Variants in GRAMD1B observed in about 807,000 individuals in gnomAD.
GRAMD1B encodes the protein GRAM domain containing 1B.
In GRAMD1B, 37 loss-of-function variants were observed where a neutral mutation model predicts 99.7. The observed-to-expected ratio is 0.37, with a 90% CI of 0.29 to 0.49. GRAMD1B has a LOEUF of 0.49. GRAMD1B is among the 20% of genes least tolerant of loss of function. GRAMD1B has a pLI of 0.98. For missense variants in GRAMD1B, 888 were observed against 1,009.2 expected, an observed-to-expected ratio of 0.88 and a Z score of 1.63; for synonymous variants, 427 against 387.6, an observed-to-expected ratio of 1.10 and a Z score of -1.19.
At chr11:123,615,732 G>C (rs1156556451) in intron 17 of GRAMD1B, among the ~76,000 whole-genome samples, 1 of 152,236 alleles carries the variant, frequency 6.6e-6, no homozygotes, top group Non-Finnish European at 1.5e-5. Flanking sequence ...TCCAGGAAGA[G>C]GTGACAGATT....
intron 17 of GRAMD1B, among the ~76,000 whole-genome samples, chr11:123,617,787 G>T (rs574913762): frequency 6.6e-6 from 1 of 152,270 alleles, no homozygotes; most frequent in African/African-American, 2.4e-5. Flanking sequence ...CATCCTATGA[G>T]CTTGTTATAC....
intron 3 of GRAMD1B, among the ~76,000 whole-genome samples, chr11:123,580,249 G>C (rs927462266): frequency 4.6e-5 from 7 of 152,208 alleles, no homozygotes; most frequent in South Asian, 4.1e-4. Context: ...AGAACCAGTA[G>C]GGGAATTAGG....
At chr11:123,362,449 G>A (rs1946176287) in intron 1 of GRAMD1B, among the ~76,000 whole-genome samples, 1 of 152,200 alleles carries the variant, frequency 6.6e-6, no homozygotes, top group South Asian at 2.1e-4. Context: ...TCTGAGCCAA[G>A]CTTGCAACAG....
rs182553250 is a variant in GRAMD1B at position 123,567,885 on chromosome 11, C to T, written c.453-9482C>T. On this transcript the variant is annotated intron_variant, in intron 2 of 19. Coordinates refer to ENST00000635736, the MANE Select transcript of GRAMD1B (RefSeq NM_001387025.1). ...ACTGAAGTGCTACTTTTCTCTACTT[C>T]GCCAAAAACTTTCCGTGAACTTTGC... is the stretch of plus-strand genomic sequence containing the variant. 1.1e-4 allele frequency among the ~76,000 whole-genome samples: 17 copies of T among 152,302 alleles called. 3 individuals carry two copies. Among genetic ancestry groups the T allele is most frequent in the African/African-American group, 2.6e-4 (11 of 41,570 alleles).
intron 1 of GRAMD1B, among the ~76,000 whole-genome samples, chr11:123,367,214 C>A (rs1343626884): frequency 6.6e-6 from 1 of 152,050 alleles, no homozygotes; most frequent in Non-Finnish European, 1.5e-5. Context: ...AAAACAAAAA[C>A]AAAACTGGAA....
chr11:123,387,871 C>T (rs1947124541), intron 1 of GRAMD1B, among the ~76,000 whole-genome samples: 2 of 152,078 alleles, frequency 1.3e-5, no homozygotes, highest in African/African-American at 4.8e-5. Flanking sequence ...CGCCTGTAAT[C>T]CCAGCACTTT....
rs1148116 is a variant in GRAMD1B at position 123,623,145 on chromosome 11, A to C, written c.*550A>C. ...CTAGGGTTGGCCGCCCACTTGATCC[A>C]GACCGTACTGAGTGTCAGATGGAGA... is the stretch of plus-strand genomic sequence containing the variant. On this transcript the variant is annotated 3_prime_UTR_variant, in exon 20 of 20. Transcript: ENST00000635736. The C allele has an allele frequency of 4.6e-5, 7 of 151,972 alleles. No homozygotes were observed. Among genetic ancestry groups the C allele is most frequent in the South Asian group, 4.2e-4 (2 of 4,818 alleles). 9.4% of individuals were successfully genotyped at this position (151,972 alleles called of 1,614,324 possible).
intron 2 of GRAMD1B, among the ~76,000 whole-genome samples, chr11:123,513,725 T>C (rs1941398196): frequency 6.6e-6 from 1 of 151,532 alleles, no homozygotes; most frequent in South Asian, 2.1e-4. Context: ...GGTGCGATCA[T>C]GGCTCACTGC....
intron 17 of GRAMD1B, among the ~76,000 whole-genome samples, chr11:123,617,882 T>A (rs1592306058): frequency 1.3e-5 from 2 of 152,108 alleles, no homozygotes; most frequent in Non-Finnish European, 1.5e-5. Flanking sequence ...CTCCAGCCCC[T>A]GGATGATCCT....
At chr11:123,408,873 G>C (rs887451562) in intron 1 of GRAMD1B, among the ~76,000 whole-genome samples, 13 of 152,188 alleles carry the variant, frequency 8.5e-5, no homozygotes, top group African/African-American at 2.9e-4. Flanking sequence ...TTCTAAGCTA[G>C]ACCTCTGAAG....
At chr11:123,597,628 T>C (rs1951445729) in intron 7 of GRAMD1B, among the ~76,000 whole-genome samples, 1 of 152,110 alleles carries the variant, frequency 6.6e-6, no homozygotes, top group South Asian at 2.1e-4. Context: ...CAGGTGCCCA[T>C]TAAATCTCAG....
At chr11:123,540,693 C>A (rs929273485) in intron 2 of GRAMD1B, among the ~76,000 whole-genome samples, 1 of 151,902 alleles carries the variant, frequency 6.6e-6, no homozygotes, top group Non-Finnish European at 1.5e-5. Context: ...CATAATACCA[C>A]CCCATATTAG....
chr11:123,528,758 A>G (rs551683477), intron 2 of GRAMD1B, among the ~76,000 whole-genome samples: 68 of 152,224 alleles, frequency 4.5e-4, no homozygotes, highest in African/African-American at 1.6e-3. Flanking sequence ...AAAAGTGTGT[A>G]TAAATATGTT....
chr11:123,448,955 A>G (rs1260871998), intron 1 of GRAMD1B, among the ~76,000 whole-genome samples: 1 of 152,118 alleles, frequency 6.6e-6, no homozygotes, highest in East Asian at 1.9e-4. Context: ...CTCCTGCTTC[A>G]TCCACCTGCT....
intron 1 of GRAMD1B, among the ~76,000 whole-genome samples, chr11:123,446,357 G>C (rs1342586064): frequency 4.6e-5 from 7 of 152,094 alleles, no homozygotes; most frequent in African/African-American, 1.7e-4. Flanking sequence ...GTAGAGATGG[G>C]GTTTCACCAT....
At chr11:123,471,359 A>G (rs1951007823) in intron 1 of GRAMD1B, among the ~76,000 whole-genome samples, 1 of 152,220 alleles carries the variant, frequency 6.6e-6, no homozygotes, top group Non-Finnish European at 1.5e-5. Flanking sequence ...TTACTGCTCT[A>G]TACCCAGTAT....
chr11:123,548,325 TACACACACACACAC>T (rs138083511), intron 2 of GRAMD1B, among the ~76,000 whole-genome samples: 1 of 86,842 alleles, frequency 1.2e-5, no homozygotes, highest in Non-Finnish European at 2.1e-5. Flanking sequence ...TATATATATA[TACACACACACACAC>T]ACACACACAC....
chr11:123,595,494 A>T (rs1407234417), intron 6 of GRAMD1B, among the ~76,000 whole-genome samples: 1 of 151,902 alleles, frequency 6.6e-6, no homozygotes, highest in East Asian at 1.9e-4. Flanking sequence ...GGGTTTCTCC[A>T]TGTTGGTCAG....
chr11:123,565,027 G>C (rs908631590), intron 2 of GRAMD1B, among the ~76,000 whole-genome samples: 1 of 151,976 alleles, frequency 6.6e-6, no homozygotes, highest in African/African-American at 2.4e-5. Flanking sequence ...TTTTATTAAT[G>C]TAATTTCATA....
Sources: allele counts gnomAD v4.1 joint callset (sites outside exome capture counted in the v4.1 genomes callset), GRCh38; gene constraint gnomAD v4.1.1; transcripts MANE v1.5; gene names NCBI Gene and HGNC (gene_info 2026-07-23, HGNC 2026-07-21).